Variants in THSD7A observed in about 807,000 individuals in gnomAD.
THSD7A encodes the protein thrombospondin type-1 domain-containing protein 7A.
Under a neutral mutation model 231.3 loss-of-function variants are expected in THSD7A, and 96 were observed. The ratio of observed to expected loss-of-function variants is 0.41; its 90% CI spans 0.35 to 0.49. The LOEUF (loss-of-function observed/expected upper bound fraction) is 0.49. THSD7A is among the 20% of genes least tolerant of loss of function. The pLI is 0.05. For missense variants in THSD7A, 2,290 were observed against 2,070.2 expected (o/e 1.11, Z -2.06); for synonymous variants, 940 against 743.3 (o/e 1.26, Z -4.30).
chr7:11,407,109 A>C, intron 20 of THSD7A, 54 bp from the exon 21 acceptor site: 5 of 1,594,248 alleles, frequency 3.1e-6, no homozygotes. Flanking sequence ...TTTTGCAAGC[A>C]TATATCTCAT....
At chr7:11,707,731 A>G (rs932309230) in intron 1 of THSD7A, among the ~76,000 whole-genome samples, 2 of 150,868 alleles carry the variant, frequency 1.3e-5, no homozygotes, top group Non-Finnish European at 3.0e-5. Context: ...AGTGTGCAGT[A>G]CACTCTCGTT....
intron 2 of THSD7A, among the ~76,000 whole-genome samples, chr7:11,622,994 T>C (rs1781368304): frequency 6.6e-6 from 1 of 152,148 alleles, no homozygotes; most frequent in Non-Finnish European, 1.5e-5. Flanking sequence ...CAAGGGGAGA[T>C]GTTTACACTC....
intron 6 of THSD7A, among the ~76,000 whole-genome samples, chr7:11,514,134 C>T (rs1290740897): frequency 6.6e-6 from 1 of 152,102 alleles, no homozygotes. Flanking sequence ...AAATATTCCA[C>T]CTCCGAGAGG....
At chr7:11,400,377 T>C (rs1304772058) in intron 23 of THSD7A, among the ~76,000 whole-genome samples, 1 of 152,194 alleles carries the variant, frequency 6.6e-6, no homozygotes, top group Admixed American at 6.5e-5. Flanking sequence ...CTCCCTTCTG[T>C]AGAAGCGTTT....
rs977085954 is a variant in THSD7A, at chr7:11,484,590, C to T, written c.1823-2608G>A. Among the ~76,000 whole-genome samples, 8 of 151,990 alleles carry T rather than the reference C, an allele frequency of 5.3e-5. No individual in the cohort carries two copies. In the East Asian group the frequency reaches 7.7e-4, roughly 15 times the overall value. On this transcript the variant is annotated intron_variant, in intron 6 of 27. Transcript: ENST00000423059. ...CACTAGACTAAATGAGGGTGTTATC[C>T]GTATCTGTCTTGGTTGCTACTTCAT...
intron 1 of THSD7A, among the ~76,000 whole-genome samples, chr7:11,766,928 A>G (rs1783048220): frequency 6.6e-6 from 1 of 152,156 alleles, no homozygotes; most frequent in African/African-American, 2.4e-5. Context: ...ATTAATGTTT[A>G]TTGTCTTAGG....
At chr7:11,663,631 G>C (rs770586203) in intron 1 of THSD7A, among the ~76,000 whole-genome samples, 1 of 150,680 alleles carries the variant, frequency 6.6e-6, no homozygotes, top group African/African-American at 2.4e-5. Context: ...GACAAACATG[G>C]ATGCAAATTT....
At chr7:11,447,088 A>G in intron 12 of THSD7A, 142 bp downstream of exon 12, 2 of 796,898 alleles carry the variant, frequency 2.5e-6, no homozygotes, top group Non-Finnish European at 3.9e-6. Context: ...TGCTTTTATC[A>G]CTGCCAGCTA....
At chr7:11,451,670 A>G (rs992155618) in intron 11 of THSD7A, among the ~76,000 whole-genome samples, 1 of 152,032 alleles carries the variant, frequency 6.6e-6, no homozygotes, top group Admixed American at 6.6e-5. Context: ...GAGAAAAATA[A>G]TAAAGGTTCA....
At chr7:11,774,383 A>T (rs1783332647) in intron 1 of THSD7A, among the ~76,000 whole-genome samples, 1 of 152,130 alleles carries the variant, frequency 6.6e-6, no homozygotes, top group Non-Finnish European at 1.5e-5. Flanking sequence ...GGCAAGATAA[A>T]TCAGTTCTAG....
At chr7:11,780,743 A>C (rs1277338098) in intron 1 of THSD7A, among the ~76,000 whole-genome samples, 2 of 152,172 alleles carry the variant, frequency 1.3e-5, no homozygotes, top group Non-Finnish European at 2.9e-5. Flanking sequence ...CTGAGTTTAG[A>C]GTATGTTTTT....
At chr7:11,722,790 C>G (rs899183918) in intron 1 of THSD7A, among the ~76,000 whole-genome samples, 1 of 151,952 alleles carries the variant, frequency 6.6e-6, no homozygotes, top group African/African-American at 2.4e-5. Context: ...CCATCTCACA[C>G]CAGTTAGAAT....
chr7:11,761,182 A>T (rs1182794542), intron 1 of THSD7A, among the ~76,000 whole-genome samples: 1 of 151,888 alleles, frequency 6.6e-6, no homozygotes, highest in Non-Finnish European at 1.5e-5. Context: ...TTCAATTTTT[A>T]AAAAAGCAAA....
intron 6 of THSD7A, among the ~76,000 whole-genome samples, chr7:11,530,158 C>T (rs1302482743): frequency 1.3e-5 from 2 of 152,096 alleles, no homozygotes; most frequent in African/African-American, 2.4e-5. Context: ...AGGAATCCTT[C>T]AAATTTCAAG....
intron 13 of THSD7A, among the ~76,000 whole-genome samples, chr7:11,443,076 G>T (rs1462118343): frequency 6.6e-6 from 1 of 152,084 alleles, no homozygotes; most frequent in African/African-American, 2.4e-5. Flanking sequence ...TATTTTAAAA[G>T]ATGTTTCTAA....
chr7:11,408,567 A>G lies in THSD7A; in HGVS notation c.3799-1144T>C, dbSNP rs556963264. Among the ~76,000 whole-genome samples, 194 of 152,226 alleles carry G rather than the reference A, an allele frequency of 1.3e-3. 1 individual carries two copies. Among genetic ancestry groups the G allele is most frequent in the Middle Eastern group, 0.01 (3 of 294 alleles). On this transcript the variant is annotated intron_variant, in intron 19 of 27. Transcript: ENST00000423059. ...AAATGTAAGAGCTTGTTAGGAGAAT[A>G]TAAGTTTTTAAAACTAGTAATTCTT...
intron 2 of THSD7A, among the ~76,000 whole-genome samples, chr7:11,611,870 C>A (rs1780944176): frequency 6.6e-6 from 1 of 150,836 alleles, no homozygotes; most frequent in Admixed American, 6.6e-5. Context: ...ATCTATCTAT[C>A]TATCTATCTA....
chr7:11,565,620 TAG>T (rs58887966), intron 4 of THSD7A, among the ~76,000 whole-genome samples: 46,820 of 151,948 alleles, frequency 0.31, 7,449 homozygotes, highest in Middle Eastern at 0.44. Flanking sequence ...TTGTGGGGGT[TAG>T]AGAGAGAAGA....
At chr7:11,669,883 C>A (rs1370708032) in intron 1 of THSD7A, among the ~76,000 whole-genome samples, 5 of 152,112 alleles carry the variant, frequency 3.3e-5, no homozygotes, top group East Asian at 3.9e-4. Flanking sequence ...ACTTCCAGAG[C>A]TTTGTTGCCT....
Sources: gnomAD v4.1 joint callset for allele counts (sites outside exome capture counted in the v4.1 genomes callset) on GRCh38, gnomAD v4.1.1 for gene constraint, MANE v1.5 for transcripts, NCBI Gene and HGNC (gene_info 2026-07-23, HGNC 2026-07-21) for gene names.